Variants in CCDC60 observed in about 807,000 individuals in gnomAD.
CCDC60 encodes the protein coiled-coil domain-containing protein 60.
A neutral mutation model predicts 63.5 loss-of-function variants in CCDC60; 54 were observed. The observed-to-expected ratio is 0.85, with a 90% CI of 0.68 to 1.07. The LOEUF (loss-of-function observed/expected upper bound fraction) is 1.07, where lower values mean the gene tolerates loss of function less well. Ranked by LOEUF, CCDC60 falls within the 50% of genes least tolerant of loss-of-function variation. The pLI is 0.00. For synonymous variants in CCDC60, 206 were observed against 238.8 expected (o/e 0.86, Z 1.27); for missense variants, 651 against 684.3 (o/e 0.95, Z 0.54).
chr12:119,335,160 C>T lies in CCDC60; in HGVS notation c.-17C>T, dbSNP rs759131886. On this transcript the variant is annotated 5_prime_UTR_variant, in exon 1 of 14. Coordinates refer to ENST00000327554, the MANE Select transcript of CCDC60 (RefSeq NM_178499.5). ...CTTGTCTTGGGGGCACAGGCTAAAA[C>T]CTGAAGGATTTTTAAGATGACCAAG... 1.3e-6 allele frequency: 2 copies of T among 1,598,032 alleles called. No individual in the cohort carries two copies. Among genetic ancestry groups the T allele is most frequent in the Admixed American group, 3.5e-5 (2 of 57,388 alleles).
chr12:119,526,073 A>G (rs1566063173), intron 11 of CCDC60, among the ~76,000 whole-genome samples: 1 of 152,190 alleles, frequency 6.6e-6, no homozygotes, highest in East Asian at 1.9e-4. Flanking sequence ...AGGCACATAG[A>G]CTGATAGAAC....
chr12:119,532,098 A>AG (rs1952859602), intron 13 of CCDC60, among the ~76,000 whole-genome samples: 3 of 152,218 alleles, frequency 2.0e-5, no homozygotes, highest in African/African-American at 7.2e-5. Context: ...GAGTGGAAGG[A>AG]GGGGGATGAC....
At chr12:119,399,535 G>T (rs984686531) in intron 1 of CCDC60, among the ~76,000 whole-genome samples, 1 of 152,158 alleles carries the variant, frequency 6.6e-6, no homozygotes, top group African/African-American at 2.4e-5. Flanking sequence ...TGCGTGTCGG[G>T]TGCAGACCTC....
chr12:119,400,216 A>T (rs1956366645), intron 1 of CCDC60, among the ~76,000 whole-genome samples: 1 of 151,994 alleles, frequency 6.6e-6, no homozygotes, highest in African/African-American at 2.4e-5. Flanking sequence ...CGCCCGGCTA[A>T]TTTTTTGTAT....
At chr12:119,504,988 T>G in intron 6 of CCDC60, 81 bp from the exon 7 acceptor site, 2 of 1,042,142 alleles carry the variant, frequency 1.9e-6, no homozygotes, top group Non-Finnish European at 2.8e-6. Flanking sequence ...CCTCCCCACC[T>G]TCCTCCTTCC....
At chr12:119,347,655 G>T (rs536307422) in intron 1 of CCDC60, among the ~76,000 whole-genome samples, 4 of 152,252 alleles carry the variant, frequency 2.6e-5, no homozygotes, top group Admixed American at 2.6e-4. Flanking sequence ...TTTGGACAAG[G>T]CCTACAAATG....
intron 1 of CCDC60, among the ~76,000 whole-genome samples, chr12:119,390,866 T>C (rs1314794337): frequency 6.6e-6 from 1 of 152,246 alleles, no homozygotes; most frequent in East Asian, 1.9e-4. Context: ...TTTGCCCTCA[T>C]TGACATTTAT....
intron 1 of CCDC60, among the ~76,000 whole-genome samples, chr12:119,396,653 G>T (rs1274196888): frequency 2.6e-5 from 4 of 152,194 alleles, no homozygotes; most frequent in African/African-American, 9.7e-5. Flanking sequence ...GCCAAGGCAG[G>T]AGGATCACTT....
intron 1 of CCDC60, among the ~76,000 whole-genome samples, chr12:119,340,819 G>A (rs1398555857): frequency 6.6e-6 from 1 of 152,152 alleles, no homozygotes; most frequent in Non-Finnish European, 1.5e-5. Flanking sequence ...TCAGCGCTCA[G>A]TGATCTCTCT....
At chr12:119,522,486 C>T (rs1391444907) in intron 9 of CCDC60, among the ~76,000 whole-genome samples, 1 of 152,170 alleles carries the variant, frequency 6.6e-6, no homozygotes, top group Non-Finnish European at 1.5e-5. Flanking sequence ...GGGTGTTGGG[C>T]TTCACTAAAC....
chr12:119,427,034 A>G (rs181951356), intron 1 of CCDC60, among the ~76,000 whole-genome samples: 1 of 152,300 alleles, frequency 6.6e-6, no homozygotes, highest in African/African-American at 2.4e-5. Flanking sequence ...ACCTGTTCTC[A>G]CCCTGCCTTC....
At position 119,395,894 on chromosome 12, in the gene CCDC60, C is replaced by T. The variant is rs566108487; in HGVS notation, c.91-32789C>T. Among the ~76,000 whole-genome samples, 4 of 152,228 alleles carry T rather than the reference C, an allele frequency of 2.6e-5. No individual in the cohort carries two copies. In the East Asian group the frequency reaches 7.7e-4, roughly 29 times the overall value. ...TGGCTTGTAGCCTCATCACTCCAGT[C>T]TCCACTTCCATCTTCACATGGCATT... is the stretch of plus-strand genomic sequence containing the variant. On this transcript the variant is annotated intron_variant, in intron 1 of 13. Coordinates refer to ENST00000327554, the MANE Select transcript of CCDC60 (RefSeq NM_178499.5).
At chr12:119,510,383 C>T (rs566943924) in intron 7 of CCDC60, among the ~76,000 whole-genome samples, 3 of 152,278 alleles carry the variant, frequency 2.0e-5, no homozygotes, top group African/African-American at 7.2e-5. Context: ...ATGCTTGACC[C>T]TTCAGTCTGG....
At position 119,335,188 on chromosome 12, in the gene CCDC60, T is replaced by C. The variant is rs1437334429; in HGVS notation, c.12T>C (p.Val4=). 6.2e-7 allele frequency: 1 copy of C among 1,606,608 alleles called. No homozygotes were observed. Among genetic ancestry groups the C allele is most frequent in the East Asian group, 2.3e-5 (1 of 44,368 alleles). The change falls in exon 1 of 14, where the codon GTT becomes GTC. Residue 4 remains valine, a synonymous_variant. Coordinates refer to ENST00000327554, the MANE Select transcript of CCDC60 (RefSeq NM_178499.5). The part of the protein sequence containing the change: MTK[V]PATKKLQSSP... ...GAAGGATTTTTAAGATGACCAAGGTTCCAGCCACCAAGAAGCTTCAGAGTT... is the reference window on the plus strand; with the variant it reads ...GAAGGATTTTTAAGATGACCAAGGTCCCAGCCACCAAGAAGCTTCAGAGTT...
At chr12:119,445,508 T>G (rs1243201661) in intron 2 of CCDC60, among the ~76,000 whole-genome samples, 2 of 73,764 alleles carry the variant, frequency 2.7e-5, no homozygotes, top group African/African-American at 1.1e-4. Context: ...AAAAAAAAAA[T>G]GCAGGACAAC....
chr12:119,348,679 C>T (rs1191800780), intron 1 of CCDC60, among the ~76,000 whole-genome samples: 4 of 152,198 alleles, frequency 2.6e-5, no homozygotes, highest in Non-Finnish European at 2.9e-5. Flanking sequence ...TTGTGATTGA[C>T]ATTTTTCAAT....
intron 1 of CCDC60, among the ~76,000 whole-genome samples, chr12:119,396,469 T>A (rs1212503050): frequency 6.6e-6 from 1 of 151,916 alleles, no homozygotes; most frequent in Non-Finnish European, 1.5e-5. Context: ...GAGGAATGGG[T>A]CATGGATGCA....
intron 6 of CCDC60, among the ~76,000 whole-genome samples, chr12:119,504,243 C>T (rs376812439): frequency 1.4e-4 from 21 of 152,260 alleles, no homozygotes; most frequent in African/African-American, 4.6e-4. Flanking sequence ...TAGGAAGCCT[C>T]GCTGAAACTT....
intron 2 of CCDC60, among the ~76,000 whole-genome samples, chr12:119,442,095 C>T (rs1178167184): frequency 6.6e-6 from 1 of 152,042 alleles, no homozygotes; most frequent in East Asian, 1.9e-4. Flanking sequence ...GCAGGAATAG[C>T]CCCTATTTTG....
Sources: allele counts gnomAD v4.1 joint callset (sites outside exome capture counted in the v4.1 genomes callset), GRCh38; gene constraint gnomAD v4.1.1; transcripts MANE v1.5; gene names NCBI Gene and HGNC (gene_info 2026-07-23, HGNC 2026-07-21).